The following SLC24A2 variants were observed in gnomAD, a reference collection of about 807,000 sequenced individuals.
SLC24A2 encodes the protein sodium/potassium/calcium exchanger 2.
SLC24A2 carries 36 observed loss-of-function variants against 62.0 expected under a neutral mutation model. That is an observed-to-expected ratio of 0.58 (90% CI 0.44 to 0.77). The LOEUF is 0.77. Ranked by LOEUF, SLC24A2 falls within the 30% of genes least tolerant of loss-of-function variation. SLC24A2 has a pLI of 0.00. For synonymous variants in SLC24A2, 358 were observed against 294.0 expected, an observed-to-expected ratio of 1.22 and a Z score of -2.23; for missense variants, 846 against 817.9, an observed-to-expected ratio of 1.03 and a Z score of -0.42.
intron 8 of SLC24A2, among the ~76,000 whole-genome samples, chr9:19,542,110 C>T (rs913505384): frequency 1.3e-5 from 2 of 152,294 alleles, no homozygotes; most frequent in South Asian, 2.1e-4. Flanking sequence ...CTGTCTGGCA[C>T]TCCCTAGTGA....
At chr9:19,988,037 C>A in the SLC24A2 span, among the ~76,000 whole-genome samples, 2 of 152,332 alleles carry the variant, frequency 1.3e-5, no homozygotes, top group Admixed American at 1.3e-4. Flanking sequence ...ATTATGACTG[C>A]TGTGGAAATA....
the SLC24A2 span, among the ~76,000 whole-genome samples, chr9:19,951,562 T>TTTA: frequency 1.4e-4 from 1 of 7,026 alleles, no homozygotes; most frequent in African/African-American, 3.2e-4. Context: ...TCAAGATTTA[T>TTTA]TTTTTTTTTC....
chr9:20,119,803 A>G, the SLC24A2 span, among the ~76,000 whole-genome samples: 1 of 152,238 alleles, frequency 6.6e-6, no homozygotes, highest in East Asian at 1.9e-4. Flanking sequence ...TTAGAAAGGA[A>G]GAAGTAAAAC....
At chr9:20,089,514 A>G in the SLC24A2 span, among the ~76,000 whole-genome samples, 1 of 152,008 alleles carries the variant, frequency 6.6e-6, no homozygotes, top group African/African-American at 2.4e-5. Flanking sequence ...TAGCCACCAT[A>G]CAAAGAGGAG....
chr9:19,603,509 G>A (rs1836898765), intron 4 of SLC24A2, among the ~76,000 whole-genome samples: 1 of 151,794 alleles, frequency 6.6e-6, no homozygotes, highest in South Asian at 2.1e-4. Flanking sequence ...GGGAGGGAGG[G>A]GGGCACTAAG....
chr9:20,240,662 T>C, the SLC24A2 span, among the ~76,000 whole-genome samples: 58 of 152,106 alleles, frequency 3.8e-4, no homozygotes, highest in African/African-American at 1.3e-3. Context: ...GGGTTTTAAA[T>C]GACTAGGAAC....
At chr9:20,087,872 G>A in the SLC24A2 span, among the ~76,000 whole-genome samples, 1 of 152,150 alleles carries the variant, frequency 6.6e-6, no homozygotes, top group African/African-American at 2.4e-5. Context: ...ACCTACCTGG[G>A]AGCAACATGG....
At chr9:19,948,772 A>G in the SLC24A2 span, among the ~76,000 whole-genome samples, 3 of 145,612 alleles carry the variant, frequency 2.1e-5, no homozygotes, top group South Asian at 2.2e-4. Context: ...GTGAACCCGG[A>G]AGGCGGAGCT....
chr9:20,139,325 C>T, the SLC24A2 span, among the ~76,000 whole-genome samples: 3 of 152,256 alleles, frequency 2.0e-5, no homozygotes, highest in South Asian at 2.1e-4. Flanking sequence ...CGCTTTAGTC[C>T]CTCTGTGCCT....
chr9:19,886,134 G>A, the SLC24A2 span, among the ~76,000 whole-genome samples: 6 of 152,070 alleles, frequency 3.9e-5, no homozygotes, highest in Admixed American at 2.0e-4. Flanking sequence ...TTGCTGGGTC[G>A]AATGGCAATT....
intron 8 of SLC24A2, among the ~76,000 whole-genome samples, chr9:19,544,220 G>T (rs915705212): frequency 1.4e-5 from 2 of 142,418 alleles, no homozygotes; most frequent in African/African-American, 5.2e-5. Flanking sequence ...TTGGTTTAAA[G>T]TCTGTTTTGT....
chr9:19,815,726 A>G, the SLC24A2 span, among the ~76,000 whole-genome samples: 131,292 of 152,008 alleles, frequency 0.86, 57,395 homozygotes, highest in Non-Finnish European at 0.94. Context: ...TATGGTTGTT[A>G]AGTTTTGAAC....
intron 2 of SLC24A2, among the ~76,000 whole-genome samples, chr9:19,734,647 A>C (rs893127053): frequency 1.1e-4 from 17 of 152,316 alleles, no homozygotes; most frequent in Non-Finnish European, 2.4e-4. Flanking sequence ...TCTTTGAAGA[A>C]TTGTGAATGG....
chr9:20,143,599 A>C, the SLC24A2 span, among the ~76,000 whole-genome samples: 2 of 152,180 alleles, frequency 1.3e-5, no homozygotes, highest in African/African-American at 2.4e-5. Flanking sequence ...CTGCTTCCTA[A>C]CAATTAAATA....
intron 2 of SLC24A2, among the ~76,000 whole-genome samples, chr9:19,636,367 CTTTCTTTCTTTCTT>C (rs1281841782): frequency 0.021 from 743 of 35,128 alleles, 50 homozygotes; most frequent in Non-Finnish European, 0.023. Context: ...TTCTTTCTTT[CTTTCTTTCTTTCTT>C]TCTTTCTCCC....
At chr9:20,102,925 G>T in the SLC24A2 span, among the ~76,000 whole-genome samples, 3 of 152,176 alleles carry the variant, frequency 2.0e-5, no homozygotes, top group Non-Finnish European at 2.9e-5. Flanking sequence ...CAAGGGATCA[G>T]GGAGTTCCCT....
At chr9:19,920,914 C>T in the SLC24A2 span, among the ~76,000 whole-genome samples, 1 of 152,098 alleles carries the variant, frequency 6.6e-6, no homozygotes, top group African/African-American at 2.4e-5. Flanking sequence ...GTATGTGACC[C>T]TGAGCAAGTT....
At chr9:19,855,410 T>A in the SLC24A2 span, among the ~76,000 whole-genome samples, 1 of 152,172 alleles carries the variant, frequency 6.6e-6, no homozygotes, top group South Asian at 2.1e-4. Flanking sequence ...TTGAGTGTGT[T>A]TTGTGGTGGT....
chr9:19,999,026 T>A, the SLC24A2 span, among the ~76,000 whole-genome samples: 63 of 152,342 alleles, frequency 4.1e-4, no homozygotes, highest in African/African-American at 1.4e-3. Flanking sequence ...TCAATTATTT[T>A]CAGTATGAGT....
Sources: allele counts gnomAD v4.1 joint callset (sites outside exome capture counted in the v4.1 genomes callset), GRCh38; gene constraint gnomAD v4.1.1; transcripts MANE v1.5; gene names NCBI Gene and HGNC (gene_info 2026-07-23, HGNC 2026-07-21).